Variants in GDPD1 observed in about 807,000 individuals in gnomAD.
GDPD1 encodes glycerophosphodiester phosphodiesterase domain containing 1, also known as lysophospholipase D GDPD1.
GDPD1 carries 28 observed loss-of-function variants against 45.1 expected under a neutral mutation model. The observed-to-expected ratio is 0.62, with a 90% CI of 0.46 to 0.85. The LOEUF is 0.85. Ranked by LOEUF, GDPD1 falls within the 40% of genes least tolerant of loss-of-function variation. GDPD1 has a pLI of 0.00. For missense variants in GDPD1, 256 were observed against 364.8 expected (o/e 0.70, Z 2.43); for synonymous variants, 139 against 131.4 (o/e 1.06, Z -0.40).
At chr17:59,226,942 A>G (rs1051093710) in intron 1 of GDPD1, among the ~76,000 whole-genome samples, 1 of 151,544 alleles carries the variant, frequency 6.6e-6, no homozygotes, top group African/African-American at 2.4e-5. Context: ...CGGCCTCCCA[A>G]TGTGTGGGGA....
chr17:59,259,812 C>A (rs1158126940), intron 6 of GDPD1, among the ~76,000 whole-genome samples: 1 of 150,380 alleles, frequency 6.6e-6, no homozygotes, highest in Non-Finnish European at 1.5e-5. Context: ...GTAATCCCAG[C>A]ACTTTGGGAG....
At chr17:59,222,810 C>T (rs958866112) in intron 1 of GDPD1, among the ~76,000 whole-genome samples, 1 of 152,140 alleles carries the variant, frequency 6.6e-6, no homozygotes, top group African/African-American at 2.4e-5. Context: ...ACACTGCACC[C>T]TGCCAGAGGC....
At chr17:59,236,777 TG>T (rs952589259) in intron 2 of GDPD1, among the ~76,000 whole-genome samples, 27 of 152,176 alleles carry the variant, frequency 1.8e-4, no homozygotes, top group African/African-American at 6.5e-4. Context: ...CCCAAAGTGC[TG>T]GGATTACAGG....
chr17:59,251,505 G>T (rs2147890882), intron 4 of GDPD1, among the ~76,000 whole-genome samples: 1 of 148,902 alleles, frequency 6.7e-6, no homozygotes, highest in Admixed American at 6.7e-5. Context: ...GACAACAAGA[G>T]CAAGACTGTG....
chr17:59,272,978 A>C (rs2047455115), intron 9 of GDPD1, 142 bp downstream of exon 9: 1 of 1,545,734 alleles, frequency 6.5e-7, no homozygotes, highest in South Asian at 1.2e-5. Context: ...TGAGGACCTT[A>C]AGCTCTTCCT....
At chr17:59,250,609 G>C (rs2047245351) in intron 4 of GDPD1, among the ~76,000 whole-genome samples, 1 of 104,258 alleles carries the variant, frequency 9.6e-6, no homozygotes, top group Non-Finnish European at 1.8e-5. Context: ...GTGAGACCTT[G>C]TCTCAAAAAA....
intron 4 of GDPD1, among the ~76,000 whole-genome samples, chr17:59,256,830 C>T (rs1597983768): frequency 1.3e-5 from 2 of 152,144 alleles, no homozygotes; most frequent in East Asian, 3.9e-4. Context: ...TAATCATAAG[C>T]ACAGTAAATC....
chr17:59,240,088 C>T (rs2047163983), intron 2 of GDPD1, among the ~76,000 whole-genome samples: 2 of 151,976 alleles, frequency 1.3e-5, no homozygotes, highest in African/African-American at 4.8e-5. Context: ...GGCAGGAGTT[C>T]GAGACCAGCC....
At position 59,275,462 on chromosome 17, in the gene GDPD1, T is replaced by C; in HGVS notation, c.*1689T>C. The C allele has an allele frequency of 3.8e-6, 1 of 260,702 alleles. No homozygotes were observed. Among genetic ancestry groups the C allele is most frequent in the Non-Finnish European group, 7.4e-6 (1 of 135,860 alleles). The allele number at this position is 260,702 out of a possible 1,614,324, so 16.1% of individuals were successfully genotyped here. A position where few individuals can be genotyped will look rare whatever the true frequency, so the allele number is the denominator to read the frequency against. The stretch of plus-strand genomic sequence containing the variant: ...TAAGCATTAAAAAGGAACTTACCAG[T>C]TGTAAATTAAGACAAGATCCAAATA... On this transcript the variant is annotated 3_prime_UTR_variant, in exon 10 of 10. Coordinates refer to ENST00000284116, the MANE Select transcript of GDPD1 (RefSeq NM_182569.4).
At chr17:59,265,522 G>A (rs1032332192) in intron 6 of GDPD1, among the ~76,000 whole-genome samples, 2 of 151,868 alleles carry the variant, frequency 1.3e-5, no homozygotes, top group Non-Finnish European at 2.9e-5. Flanking sequence ...GGGTGACAGC[G>A]AGACCCTGTC....
intron 4 of GDPD1, among the ~76,000 whole-genome samples, chr17:59,251,376 G>A (rs760379593): frequency 1.2e-4 from 19 of 152,028 alleles, no homozygotes; most frequent in Non-Finnish European, 1.9e-4. Context: ...AAAATTAGCC[G>A]GGCATGGTGA....
intron 6 of GDPD1, among the ~76,000 whole-genome samples, chr17:59,265,380 T>C (rs1438675958): frequency 6.7e-6 from 1 of 149,886 alleles, no homozygotes; most frequent in African/African-American, 2.5e-5. Context: ...ACAAAAAATT[T>C]TTAAAAAATT....
intron 1 of GDPD1, among the ~76,000 whole-genome samples, chr17:59,225,903 G>A (rs2047043785): frequency 6.6e-6 from 1 of 151,658 alleles, no homozygotes; most frequent in Admixed American, 6.6e-5. Flanking sequence ...TGTACTTTTA[G>A]TAGAGATGGG....
intron 4 of GDPD1, among the ~76,000 whole-genome samples, chr17:59,254,286 G>T (rs1318318502): frequency 1.3e-5 from 2 of 151,730 alleles, no homozygotes; most frequent in East Asian, 3.9e-4. Context: ...ACTTGAACCC[G>T]GGAGGCAGAG....
Position 59,273,864 on chromosome 17 carries a change from G to A in GDPD1, c.*91G>A. 4 of 1,358,666 alleles carry A rather than the reference G, an allele frequency of 2.9e-6. No individual in the cohort carries two copies. The highest frequency in any genetic ancestry group is 5.4e-5 in the East Asian group (2 of 37,318). The allele number at this position is 1,358,666 out of a possible 1,614,324, so 84.2% of individuals were successfully genotyped here. A position where few individuals can be genotyped will look rare whatever the true frequency, so the allele number is the denominator to read the frequency against. On this transcript the variant is annotated 3_prime_UTR_variant, in exon 10 of 10. Coordinates refer to ENST00000284116, the MANE Select transcript of GDPD1 (RefSeq NM_182569.4). ...ATTTCCCTAAGCCATTTCCAGAATG[G>A]TAAAAGGTTTAATCAGTTTTTATTA...
At chr17:59,257,901 A>G (rs912990244) in intron 6 of GDPD1, 61 bp downstream of exon 6, 1 of 1,087,448 alleles carries the variant, frequency 9.2e-7, no homozygotes, top group Non-Finnish European at 1.3e-6. Flanking sequence ...TCTACAAATG[A>G]TAAGTTATTA....
chr17:59,228,262 A>G (rs967647350), intron 1 of GDPD1, among the ~76,000 whole-genome samples: 1 of 151,900 alleles, frequency 6.6e-6, no homozygotes, highest in Admixed American at 6.6e-5. Context: ...TTTCTTAGGT[A>G]GCTTTTCTAA....
At chr17:59,268,947 G>A (rs1424013344) in intron 7 of GDPD1, among the ~76,000 whole-genome samples, 3 of 151,838 alleles carry the variant, frequency 2.0e-5, no homozygotes. Flanking sequence ...CCAAGATCGC[G>A]CCACTGCACT....
At chr17:59,229,122 GTTATTATTATTATTATTA>G (rs71145540) in intron 1 of GDPD1, among the ~76,000 whole-genome samples, 31 of 134,402 alleles carry the variant, frequency 2.3e-4, no homozygotes, top group South Asian at 4.9e-4. Context: ...TCCTCAAATT[GTTATTATTATTATTATTA>G]TTATTATTAT....
Sources: gnomAD v4.1 joint callset for allele counts (sites outside exome capture counted in the v4.1 genomes callset) on GRCh38, gnomAD v4.1.1 for gene constraint, MANE v1.5 for transcripts, NCBI Gene and HGNC (gene_info 2026-07-23, HGNC 2026-07-21) for gene names.